Variants in EYS observed in about 807,000 individuals in gnomAD.
EYS encodes the protein protein eyes shut homolog.
Under a neutral mutation model 282.1 loss-of-function variants are expected in EYS, and 250 were observed. That is an observed-to-expected ratio of 0.89 (90% CI 0.80 to 0.98). The LOEUF (loss-of-function observed/expected upper bound fraction) is 0.98. Among genes scored for constraint, EYS ranks in the 50% least tolerant of loss-of-function variants. EYS has a pLI of 0.00. For missense variants in EYS, 4,016 were observed against 3,709.0 expected, an observed-to-expected ratio of 1.08 and a Z score of -2.15; for synonymous variants, 1,355 against 1,282.9, an observed-to-expected ratio of 1.06 and a Z score of -1.20.
At chr6:64,546,319 A>G (rs1354944072) in intron 26 of EYS, among the ~76,000 whole-genome samples, 1 of 152,234 alleles carries the variant, frequency 6.6e-6, no homozygotes, top group East Asian at 1.9e-4. Context: ...GGCTAGCCAT[A>G]TGTAGAAAGC....
chr6:64,720,939 T>C (rs143666241), intron 22 of EYS, among the ~76,000 whole-genome samples: 93 of 152,358 alleles, frequency 6.1e-4, no homozygotes, highest in African/African-American at 2.1e-3. Context: ...AAGCATGCCA[T>C]ATTATTAAGC....
intron 2 of EYS, among the ~76,000 whole-genome samples, chr6:65,598,026 G>A (rs1765469347): frequency 6.6e-6 from 1 of 151,932 alleles, no homozygotes; most frequent in Non-Finnish European, 1.5e-5. Context: ...TTTGAGCCTG[G>A]GAAGTCAAGG....
chr6:65,317,120 G>A (rs1769315789), intron 11 of EYS, among the ~76,000 whole-genome samples: 1 of 152,008 alleles, frequency 6.6e-6, no homozygotes, highest in Non-Finnish European at 1.5e-5. Flanking sequence ...TTTTAAGGCT[G>A]ATTTTGTCTT....
At chr6:64,703,493 C>T (rs1265449891) in intron 22 of EYS, among the ~76,000 whole-genome samples, 3 of 131,024 alleles carry the variant, frequency 2.3e-5, no homozygotes, top group Non-Finnish European at 3.1e-5. Context: ...AGTGCAGTGG[C>T]GCGATCTCAG....
At chr6:65,028,447 C>T (rs903926660) in intron 13 of EYS, among the ~76,000 whole-genome samples, 1 of 151,892 alleles carries the variant, frequency 6.6e-6, no homozygotes, top group African/African-American at 2.4e-5. Context: ...TTATTTCTTA[C>T]ATCATCATAG....
intron 26 of EYS, among the ~76,000 whole-genome samples, chr6:64,589,609 T>C (rs1241566689): frequency 6.6e-6 from 1 of 152,104 alleles, no homozygotes; most frequent in East Asian, 1.9e-4. Context: ...GAAAACTGGC[T>C]TGTCATTAAT....
chr6:64,704,630 T>C (rs553393136), intron 22 of EYS, among the ~76,000 whole-genome samples: 3 of 151,598 alleles, frequency 2.0e-5, no homozygotes, highest in Middle Eastern at 3.4e-3. Context: ...CATCTGAGGC[T>C]AGCAAGTGAA....
chr6:64,201,941 T>C (rs1361122791), intron 31 of EYS, among the ~76,000 whole-genome samples: 1 of 152,132 alleles, frequency 6.6e-6, no homozygotes, highest in Non-Finnish European at 1.5e-5. Context: ...ATGACTGTCA[T>C]CTAAGTGAGT....
At chr6:64,074,828 A>T (rs1166062142) in intron 32 of EYS, among the ~76,000 whole-genome samples, 3 of 151,914 alleles carry the variant, frequency 2.0e-5, no homozygotes, top group Non-Finnish European at 4.4e-5. Flanking sequence ...AAACACTTAC[A>T]TAGATATACA....
At chr6:64,112,214 A>T (rs1000967626) in intron 31 of EYS, among the ~76,000 whole-genome samples, 1 of 152,090 alleles carries the variant, frequency 6.6e-6, no homozygotes, top group Admixed American at 6.6e-5. Flanking sequence ...CCAAATTCTT[A>T]GATATGGGGA....
At chr6:65,157,912 G>A (rs1257707463) in intron 12 of EYS, among the ~76,000 whole-genome samples, 6 of 150,584 alleles carry the variant, frequency 4.0e-5, no homozygotes, top group Non-Finnish European at 8.9e-5. Context: ...ATAGCGTATT[G>A]TGCATTATTT....
chr6:63,915,129 C>A (rs1355439736), intron 35 of EYS, among the ~76,000 whole-genome samples: 1 of 152,192 alleles, frequency 6.6e-6, no homozygotes, highest in African/African-American at 2.4e-5. Flanking sequence ...AGACAGAAGT[C>A]AATGCCTGAC....
intron 22 of EYS, among the ~76,000 whole-genome samples, chr6:64,702,431 TAG>T (rs1373505242): frequency 6.6e-6 from 1 of 152,062 alleles, no homozygotes; most frequent in Non-Finnish European, 1.5e-5. Flanking sequence ...CTGTATAATA[TAG>T]ACATTAAAAT....
chr6:65,546,735 C>A (rs1197825632), intron 2 of EYS, among the ~76,000 whole-genome samples: 1 of 152,006 alleles, frequency 6.6e-6, no homozygotes, highest in African/African-American at 2.4e-5. Context: ...CCATGCCCAG[C>A]TACTTTTGTA....
At chr6:65,258,303 A>T (rs1767525898) in intron 12 of EYS, among the ~76,000 whole-genome samples, 1 of 152,050 alleles carries the variant, frequency 6.6e-6, no homozygotes, top group African/African-American at 2.4e-5. Flanking sequence ...GTTGAATTAG[A>T]GGAGAAAGCA....
chr6:64,013,803 C>T (rs1041601002), intron 33 of EYS, among the ~76,000 whole-genome samples: 10 of 151,868 alleles, frequency 6.6e-5, no homozygotes, highest in Admixed American at 2.0e-4. Flanking sequence ...GTTGCCATTT[C>T]GTTTGAGATT....
rs150253220 is a variant in EYS at position 65,009,351 on chromosome 6, G to T, written c.2138-11648C>A. On this transcript the variant is annotated intron_variant, in intron 13 of 42. Coordinates refer to ENST00000503581, the MANE Select transcript of EYS (RefSeq NM_001142800.2). The stretch of plus-strand genomic sequence containing the variant: ...GTAAAGAAACCCCATGGATAATAGA[G>T]ATTAGTGTAACATCTCAGGGCTATC... 4.7e-3 allele frequency among the ~76,000 whole-genome samples: 710 copies of T among 152,204 alleles called. 6 individuals carry two copies. The highest frequency in any genetic ancestry group is 0.015 in the African/African-American group (627 of 41,534).
At chr6:65,277,911 C>G (rs1265586359) in intron 12 of EYS, among the ~76,000 whole-genome samples, 1 of 152,058 alleles carries the variant, frequency 6.6e-6, no homozygotes. Flanking sequence ...TTTACTGGGC[C>G]ACATGGTACT....
chr6:64,811,299 C>G (rs1188786001), intron 22 of EYS, among the ~76,000 whole-genome samples: 1 of 151,906 alleles, frequency 6.6e-6, no homozygotes, highest in Non-Finnish European at 1.5e-5. Flanking sequence ...AGATAGATGA[C>G]TCCTATTTAA....
Sources: allele counts gnomAD v4.1 joint callset (sites outside exome capture counted in the v4.1 genomes callset), GRCh38; gene constraint gnomAD v4.1.1; transcripts MANE v1.5; gene names NCBI Gene and HGNC (gene_info 2026-07-23, HGNC 2026-07-21).